Variants in PDE8B observed in about 807,000 individuals in gnomAD.
The protein encoded by PDE8B is high affinity cAMP-specific and IBMX-insensitive 3',5'-cyclic phosphodiesterase 8B.
Under a neutral mutation model 101.3 loss-of-function variants are expected in PDE8B, and 26 were observed. The ratio of observed to expected loss-of-function variants is 0.26; its 90% CI spans 0.19 to 0.36. PDE8B has a LOEUF of 0.36. Among genes scored for constraint, PDE8B ranks in the 10% least tolerant of loss-of-function variants. PDE8B has a pLI of 1.00. For missense variants in PDE8B, 810 were observed against 1,163.1 expected (o/e 0.70, Z 4.42); for synonymous variants, 424 against 429.3 (o/e 0.99, Z 0.15).
chr5:77,333,669 G>A (rs1244208241), intron 5 of PDE8B, among the ~76,000 whole-genome samples: 1 of 152,208 alleles, frequency 6.6e-6, no homozygotes, highest in Non-Finnish European at 1.5e-5. Context: ...ATAGCATCTT[G>A]TCTGGAAGGC....
rs762292877 is a variant in PDE8B, at chr5:77,228,291, A to G, written c.339+17027A>G. ...CTCTTTTATCAGTAAGATGGTAGTC[A>G]TATTATGGATGTGGAAGAGAGGATT... On this transcript the variant is annotated intron_variant, in intron 1 of 21. Transcript: ENST00000264917. Among the ~76,000 whole-genome samples, 4 of 152,282 alleles carry G rather than the reference A, an allele frequency of 2.6e-5. No individual in the cohort carries two copies. The South Asian group carries it at 8.3e-4, about 32-fold the overall frequency.
chr5:77,392,776 T>C (rs1223845174), intron 10 of PDE8B, among the ~76,000 whole-genome samples: 1 of 152,146 alleles, frequency 6.6e-6, no homozygotes, highest in African/African-American at 2.4e-5. Context: ...TAGCAGTACA[T>C]TGGCAATGGA....
the PDE8B span, among the ~76,000 whole-genome samples, chr5:77,165,975 C>CA: frequency 0.37 from 35,121 of 96,188 alleles, 5,792 homozygotes; most frequent in Middle Eastern, 0.46. Context: ...GAGACTGCCT[C>CA]AAAAAAAAAA....
chr5:77,145,419 G>A, the PDE8B span: 3 of 152,202 alleles, frequency 2.0e-5, no homozygotes, highest in African/African-American at 4.8e-5. Context: ...TTTTGAGCTT[G>A]TGGCATAGAG....
At chr5:77,337,405 T>G in intron 6 of PDE8B, 90 bp downstream of exon 6, 1 of 758,894 alleles carries the variant, frequency 1.3e-6, no homozygotes, top group Non-Finnish European at 2.4e-6. Context: ...GGTTCATAGC[T>G]GAATCCCAGG....
chr5:77,179,365 T>A, the PDE8B span, among the ~76,000 whole-genome samples: 1 of 152,196 alleles, frequency 6.6e-6, no homozygotes, highest in Non-Finnish European at 1.5e-5. Flanking sequence ...TTGGCTGGAC[T>A]GACTCAGCAC....
chr5:77,238,970 A>G (rs1389172535), intron 1 of PDE8B, among the ~76,000 whole-genome samples: 1 of 152,196 alleles, frequency 6.6e-6, no homozygotes, highest in Non-Finnish European at 1.5e-5. Flanking sequence ...ACTAATTCAA[A>G]TGCTAATCTT....
At chr5:77,422,346 T>A (rs1796839955) in intron 20 of PDE8B, among the ~76,000 whole-genome samples, 1 of 152,134 alleles carries the variant, frequency 6.6e-6, no homozygotes, top group Non-Finnish European at 1.5e-5. Flanking sequence ...CAGGCATTAG[T>A]GAAGACATCG....
chr5:77,291,113 C>G, intron 1 of PDE8B: 1 of 1,611,098 alleles, frequency 6.2e-7, no homozygotes, highest in Non-Finnish European at 8.5e-7. Flanking sequence ...AAGATGCAGA[C>G]CTCAGCTTAG....
At chr5:77,173,400 TAAG>T in the PDE8B span, among the ~76,000 whole-genome samples, 1 of 152,186 alleles carries the variant, frequency 6.6e-6, no homozygotes, top group Non-Finnish European at 1.5e-5. Flanking sequence ...TCATCTGACT[TAAG>T]AAGGTGGTTG....
the PDE8B span, chr5:77,166,891 T>G: frequency 6.6e-6 from 1 of 152,120 alleles, no homozygotes; most frequent in Non-Finnish European, 1.5e-5. Flanking sequence ...TGTATTAAAC[T>G]TATCTACTGG....
chr5:77,335,929 C>A (rs1778106592), intron 5 of PDE8B, among the ~76,000 whole-genome samples: 2 of 151,728 alleles, frequency 1.3e-5, no homozygotes, highest in African/African-American at 4.8e-5. Flanking sequence ...TTGATGTGAT[C>A]ATGTCAGAGA....
chr5:77,164,898 A>G, the PDE8B span, among the ~76,000 whole-genome samples: 1 of 152,334 alleles, frequency 6.6e-6, no homozygotes, highest in East Asian at 1.9e-4. Flanking sequence ...CTCCACATTC[A>G]TGAAGTTCAA....
intron 1 of PDE8B, chr5:77,291,350 G>T: frequency 6.2e-7 from 1 of 1,612,304 alleles, no homozygotes; most frequent in South Asian, 1.1e-5. Flanking sequence ...AAGAAGCAAA[G>T]AAAGAAGGTA....
chr5:77,104,522 G>A, the PDE8B span: 2 of 152,122 alleles, frequency 1.3e-5, no homozygotes, highest in Non-Finnish European at 2.9e-5. Context: ...TCTGCCATGT[G>A]AGGACTCAAT....
chr5:77,269,013 G>A (rs1023078322), intron 1 of PDE8B, among the ~76,000 whole-genome samples: 3 of 151,668 alleles, frequency 2.0e-5, no homozygotes, highest in African/African-American at 7.3e-5. Flanking sequence ...GGATCATATG[G>A]TAGCTCTATT....
chr5:77,314,247 G>A lies in PDE8B; in HGVS notation c.399+2194G>A, dbSNP rs75679725. 5.4e-3 allele frequency among the ~76,000 whole-genome samples: 817 copies of A among 152,162 alleles called. 8 individuals are homozygous for A. The highest frequency in any genetic ancestry group is 0.018 in the African/African-American group (758 of 41,520). On this transcript the variant is annotated intron_variant, in intron 2 of 21. Coordinates refer to ENST00000264917, the MANE Select transcript of PDE8B (RefSeq NM_003719.5). The stretch of plus-strand genomic sequence containing the variant: ...TCAGTTCTATTCCATTGATTTATAT[G>A]TCTGTCCTTATCCAGTACCACACTG...
Position 77,353,342 on chromosome 5 carries a change from T to C in PDE8B, c.1107-4T>C, listed in dbSNP as rs1781494274. The C allele has an allele frequency of 1.3e-6, 2 of 1,514,608 alleles. No individual in the cohort carries two copies. Among genetic ancestry groups the C allele is most frequent in the Admixed American group, 1.7e-5 (1 of 59,890 alleles). The allele number at this position is 1,514,608 out of a possible 1,614,324, so 93.8% of individuals were successfully genotyped here. ...CTCACTAATAACTGATTATTTGTTA[T>C]TAGGAAAATTAGGCATTTTGTCTCG... On this transcript the variant is annotated splice_region_variant and splice_polypyrimidine_tract_variant and intron_variant, in intron 9 of 21. Transcript: ENST00000264917.
At chr5:77,194,891 C>A in the PDE8B span, among the ~76,000 whole-genome samples, 2 of 152,150 alleles carry the variant, frequency 1.3e-5, no homozygotes, top group African/African-American at 4.8e-5. Flanking sequence ...AATAGTGCTG[C>A]TATTAAACAT....
Sources: gnomAD v4.1 joint callset for allele counts (sites outside exome capture counted in the v4.1 genomes callset) on GRCh38, gnomAD v4.1.1 for gene constraint, MANE v1.5 for transcripts, NCBI Gene and HGNC (gene_info 2026-07-23, HGNC 2026-07-21) for gene names.